AVEN: variants seen among roughly 807,000 people sequenced by gnomAD.
AVEN encodes the protein cell death regulator Aven.
A neutral mutation model predicts 38.1 loss-of-function variants in AVEN; 41 were observed. The ratio of observed to expected loss-of-function variants is 1.08; its 90% CI spans 0.84 to 1.40. The LOEUF is 1.40. Ranked by LOEUF, AVEN falls within the 40% of genes most tolerant of loss-of-function variation. AVEN has a pLI of 0.00. For synonymous variants in AVEN, 206 were observed against 171.8 expected, an observed-to-expected ratio of 1.20 and a Z score of -1.56; for missense variants, 605 against 438.8, an observed-to-expected ratio of 1.38 and a Z score of -3.38.
chr15:34,038,643 C>T (rs1899279899), intron 1 of AVEN, 137 bp downstream of exon 1: 1 of 779,096 alleles, frequency 1.3e-6, no homozygotes, highest in Non-Finnish European at 1.6e-6. Context: ...CACCATCCGC[C>T]CGTCCCGCGC....
intron 2 of AVEN, among the ~76,000 whole-genome samples, chr15:33,986,157 A>G (rs1896454072): frequency 6.6e-6 from 1 of 151,256 alleles, no homozygotes; most frequent in Admixed American, 6.6e-5. Flanking sequence ...CCCAGGCTGG[A>G]GTGCAGTGGC....
At chr15:33,887,819 C>G (rs879419310) in intron 2 of AVEN, among the ~76,000 whole-genome samples, 6 of 152,134 alleles carry the variant, frequency 3.9e-5, no homozygotes, top group Admixed American at 2.0e-4. Flanking sequence ...CACCAAGAAG[C>G]TTATGTGTCT....
intron 2 of AVEN, among the ~76,000 whole-genome samples, chr15:33,997,525 C>T (rs1424399): frequency 0.2 from 31,099 of 151,950 alleles, 4,809 homozygotes; most frequent in African/African-American, 0.43. Context: ...TACCGTCATC[C>T]GCAACCCCCT....
intron 2 of AVEN, among the ~76,000 whole-genome samples, chr15:33,914,614 T>C (rs1003639960): frequency 4.0e-5 from 6 of 150,008 alleles, no homozygotes; most frequent in African/African-American, 1.5e-4. Context: ...AGATGAGTTA[T>C]AGGATTGAAC....
chr15:34,010,932 A>C (rs776365495), intron 1 of AVEN, among the ~76,000 whole-genome samples: 1 of 152,238 alleles, frequency 6.6e-6, no homozygotes, highest in African/African-American at 2.4e-5. Flanking sequence ...GCAACAACTT[A>C]CACTACTTTT....
downstream of AVEN, among the ~76,000 whole-genome samples, chr15:33,862,947 T>C (rs1888959240): frequency 6.6e-6 from 1 of 152,232 alleles, no homozygotes; most frequent in African/African-American, 2.4e-5. Context: ...AAGATAACTT[T>C]ACTGTGCCCT....
At chr15:33,856,851 GT>G (rs2079724094), downstream of AVEN, 1 of 152,244 alleles carries the variant, frequency 6.6e-6, no homozygotes, top group African/African-American at 2.4e-5. Flanking sequence ...TAGAGACAGG[GT>G]TTCACCATGT....
At chr15:33,989,959 T>A (rs1456806350) in intron 2 of AVEN, among the ~76,000 whole-genome samples, 3 of 151,200 alleles carry the variant, frequency 2.0e-5, no homozygotes, top group African/African-American at 7.3e-5. Flanking sequence ...ATCCCAGCAC[T>A]TTGGGAGGCC....
chr15:34,025,597 G>C, intron 1 of AVEN, among the ~76,000 whole-genome samples: 1 of 152,162 alleles, frequency 6.6e-6, no homozygotes, highest in East Asian at 1.9e-4. Flanking sequence ...CAATGTTAAT[G>C]TCCTGATTTT....
intron 2 of AVEN, among the ~76,000 whole-genome samples, chr15:33,969,777 A>G (rs574724380): frequency 1.3e-5 from 2 of 152,208 alleles, no homozygotes; most frequent in South Asian, 4.1e-4. Flanking sequence ...AAGAGGATAA[A>G]AAGATGAAAG....
Position 34,025,207 on chromosome 15 carries a change from T to C in AVEN, c.267+13573A>G, listed in dbSNP as rs77652664. ...GGCATTTGAGGTGAGCATGTGAAAATGAATAAGATTCTGAAATATGAAGTG... is the reference window on the plus strand; with the variant it reads ...GGCATTTGAGGTGAGCATGTGAAAACGAATAAGATTCTGAAATATGAAGTG... On this transcript the variant is annotated intron_variant, in intron 1 of 5. Coordinates refer to ENST00000306730, the MANE Select transcript of AVEN (RefSeq NM_020371.3). Among the ~76,000 whole-genome samples the C allele has an allele frequency of 6.8e-4, 104 of 152,254 alleles. 1 individual carries two copies. The East Asian group carries it at 0.014, about 21-fold the overall frequency.
At chr15:34,074,531 C>G (rs1900695100) in exon 1 of AVEN, among the ~76,000 whole-genome samples, 1 of 152,096 alleles carries the variant, frequency 6.6e-6, no homozygotes, top group Admixed American at 6.5e-5. Flanking sequence ...TTTCAGGCCT[C>G]TCTCCTAGCT....
chr15:33,925,804 TTTATAA>T (rs1026481726), intron 2 of AVEN, among the ~76,000 whole-genome samples: 100 of 152,322 alleles, frequency 6.6e-4, no homozygotes, highest in African/African-American at 2.3e-3. Flanking sequence ...ATGGAAAGTT[TTTATAA>T]TTATATTTTA....
Position 33,937,085 on chromosome 15 carries a change from C to T in AVEN, c.446-61090G>A, listed in dbSNP as rs1327066616. 6.8e-5 allele frequency among the ~76,000 whole-genome samples: 9 copies of T among 133,030 alleles called. No homozygotes were observed. The Admixed American group carries it at 6.8e-4, about 10-fold the overall frequency. The allele number at this position is 133,030 out of a possible 152,430, so 87.3% of individuals were successfully genotyped here. On this transcript the variant is annotated intron_variant, in intron 2 of 5. Coordinates refer to ENST00000306730, the MANE Select transcript of AVEN (RefSeq NM_020371.3). ...GGCGGTGCTTGCAGTGAGCCGAGATCGCGCCACTGCCCTTCAGCCTGGGCG... is the reference window on the plus strand; with the variant it reads ...GGCGGTGCTTGCAGTGAGCCGAGATTGCGCCACTGCCCTTCAGCCTGGGCG...
At chr15:34,036,808 T>C (rs1184911280) in intron 1 of AVEN, among the ~76,000 whole-genome samples, 1 of 152,114 alleles carries the variant, frequency 6.6e-6, no homozygotes, top group South Asian at 2.1e-4. Context: ...TTTCTTTTAA[T>C]GATATACCAT....
At chr15:33,953,405 T>C (rs1003145245) in intron 2 of AVEN, among the ~76,000 whole-genome samples, 1 of 152,166 alleles carries the variant, frequency 6.6e-6, no homozygotes, top group Non-Finnish European at 1.5e-5. Flanking sequence ...AAGGCTACAG[T>C]AACCAAAACA....
At chr15:33,859,489 T>G (rs1277289116) in intron 11 of AVEN, 1 of 1,501,030 alleles carries the variant, frequency 6.7e-7, no homozygotes, top group Non-Finnish European at 9.2e-7. Flanking sequence ...TGCCACAATC[T>G]GACCGAATCA....
At chr15:33,905,795 G>A in intron 2 of AVEN, among the ~76,000 whole-genome samples, 1 of 148,158 alleles carries the variant, frequency 6.7e-6, no homozygotes, top group South Asian at 2.1e-4. Context: ...ACTCCAGCCT[G>A]TATGACAAAT....
At chr15:34,070,247 C>T (rs1259260550) in intron 2 of AVEN, among the ~76,000 whole-genome samples, 1 of 152,118 alleles carries the variant, frequency 6.6e-6, no homozygotes. Context: ...CCACTGGGTC[C>T]GTCCCACAAG....
Sources: allele counts gnomAD v4.1 joint callset (sites outside exome capture counted in the v4.1 genomes callset), GRCh38; gene constraint gnomAD v4.1.1; transcripts MANE v1.5; gene names NCBI Gene and HGNC (gene_info 2026-07-23, HGNC 2026-07-21).